RYR2: variants seen among roughly 807,000 people sequenced by gnomAD.
The protein encoded by RYR2 is cardiac muscle ryanodine receptor-calcium release channel.
In RYR2, 227 loss-of-function variants were observed where a neutral mutation model predicts 601.1. The observed-to-expected ratio is 0.38, with a 90% CI of 0.34 to 0.42. RYR2 has a LOEUF of 0.42. RYR2 is among the 10% of genes least tolerant of loss of function. The probability of loss-of-function intolerance (pLI) is 1.00; values close to 1 mark genes in which losing one functional copy is unlikely to be tolerated. For synonymous variants in RYR2, 2,223 were observed against 2,175.1 expected (o/e 1.02, Z -0.61); for missense variants, 4,646 against 6,156.5 (o/e 0.75, Z 8.21).
chr1:237,295,969 A>G (rs925879779), intron 2 of RYR2, among the ~76,000 whole-genome samples: 2 of 152,230 alleles, frequency 1.3e-5, no homozygotes, highest in East Asian at 1.9e-4. Flanking sequence ...TTAGTGATGC[A>G]TGTCATGGAG....
chr1:237,508,881 T>A (rs373560778), intron 23 of RYR2, among the ~76,000 whole-genome samples: 9 of 150,532 alleles, frequency 6.0e-5, no homozygotes, highest in East Asian at 2.0e-4. Context: ...TAGCTGGGAC[T>A]ACAGGCGCCC....
intron 5 of RYR2, among the ~76,000 whole-genome samples, chr1:237,369,193 T>C (rs1700444890): frequency 6.6e-6 from 1 of 152,144 alleles, no homozygotes; most frequent in African/African-American, 2.4e-5. Context: ...CAATGGTGAC[T>C]AAGGTACCAT....
chr1:237,632,732 T>C (rs1680486255), intron 42 of RYR2, among the ~76,000 whole-genome samples: 2 of 150,724 alleles, frequency 1.3e-5, no homozygotes, highest in African/African-American at 2.5e-5. Context: ...CTTAATGGTA[T>C]CAAAAACCAA....
At chr1:237,170,107 A>G (rs1267046832) in intron 1 of RYR2, among the ~76,000 whole-genome samples, 1 of 152,210 alleles carries the variant, frequency 6.6e-6, no homozygotes, top group African/African-American at 2.4e-5. Context: ...TGCAGGCAGC[A>G]TTTTGTTGTA....
intron 1 of RYR2, among the ~76,000 whole-genome samples, chr1:237,098,999 A>G (rs1174820107): frequency 1.3e-5 from 2 of 152,208 alleles, no homozygotes; most frequent in African/African-American, 4.8e-5. Flanking sequence ...AGGAGGGCTC[A>G]GACAACCACT....
At chr1:237,720,612 G>T (rs1173730371) in intron 73 of RYR2, among the ~76,000 whole-genome samples, 4 of 152,220 alleles carry the variant, frequency 2.6e-5, no homozygotes, top group African/African-American at 9.6e-5. Flanking sequence ...TATAGGGAGA[G>T]ACACTAAATG....
At chr1:237,259,332 ACT>A (rs1196027355) in intron 1 of RYR2, among the ~76,000 whole-genome samples, 1 of 151,536 alleles carries the variant, frequency 6.6e-6, no homozygotes, top group South Asian at 2.1e-4. Flanking sequence ...ACATGATGAA[ACT>A]CTCTCTCTAC....
Position 237,454,565 on chromosome 1 carries a change from C to T in RYR2, c.1467C>T (p.Phe489=), listed in dbSNP as rs781662848. Residue 489 remains phenylalanine (F), a synonymous_variant, in exon 15 of 105, where the codon TTC becomes TTT. Coordinates refer to ENST00000366574, the MANE Select transcript of RYR2 (RefSeq NM_001035.3). ...CCCTGAAGAATCGGCAAAATCTCTT[C>T]CAGGAAGAGGTCCGTTTCTATCAAC... ...LRALKNRQNL[F]QEEGMINLVL... is the part of the protein sequence containing the mutation. 1.2e-6 allele frequency: 2 copies of T among 1,612,866 alleles called. No individual in the cohort carries two copies. Among genetic ancestry groups the T allele is most frequent in the South Asian group, 2.2e-5 (2 of 91,014 alleles).
chr1:237,665,554 A>G (rs1684250231), intron 56 of RYR2, among the ~76,000 whole-genome samples: 1 of 152,166 alleles, frequency 6.6e-6, no homozygotes, highest in Non-Finnish European at 1.5e-5. Context: ...ATAAAACGGG[A>G]TGCTCAAAAA....
At chr1:237,353,282 G>A (rs537019626) in intron 3 of RYR2, among the ~76,000 whole-genome samples, 1 of 152,104 alleles carries the variant, frequency 6.6e-6, no homozygotes, top group African/African-American at 2.4e-5. Flanking sequence ...CACGAGATGG[G>A]TGGATCACTT....
chr1:237,363,333 G>A (rs1699937305), intron 4 of RYR2, among the ~76,000 whole-genome samples: 2 of 151,930 alleles, frequency 1.3e-5, no homozygotes, highest in Admixed American at 1.3e-4. Context: ...TCTAAGCCAA[G>A]GATGAAAGCT....
chr1:237,630,325 C>G (rs1290568969), intron 41 of RYR2, among the ~76,000 whole-genome samples: 1 of 151,978 alleles, frequency 6.6e-6, no homozygotes, highest in African/African-American at 2.4e-5. Flanking sequence ...ATTAATGAGA[C>G]AATAAAAAGA....
Position 237,589,906 on chromosome 1 carries a change from C to T in RYR2, c.3712C>T (p.Pro1238Ser), listed in dbSNP as rs1572995959. Reference protein sequence around the residue: ...TICGLQEGYEPFAVNTNRDIT... With the variant: ...TICGLQEGYESFAVNTNRDIT... ...CTGTGGCTTACAAGAGGGCTATGAA[C>T]CATTTGCCGTTAATACAAACAGGGA... Residue 1238 changes from proline (P) to serine (S), a missense_variant, in exon 30 of 105, where the codon CCA becomes TCA. Pro to Ser is a moderately conservative substitution (Grantham distance 74). Around this residue, in one of 17 missense-constraint regions of RYR2, gnomAD observed 1,807 missense variants for 2,088.1 expected, o/e 0.87. Transcript: ENST00000366574. 6.2e-7 allele frequency: 1 copy of T among 1,613,870 alleles called. No homozygotes were observed. Among genetic ancestry groups the T allele is most frequent in the Non-Finnish European group, 8.5e-7 (1 of 1,179,844 alleles).
At chr1:237,174,128 T>C (rs1420740668) in intron 1 of RYR2, among the ~76,000 whole-genome samples, 1 of 152,210 alleles carries the variant, frequency 6.6e-6, no homozygotes. Flanking sequence ...CTTAGTTATG[T>C]TGGAGTATTC....
chr1:237,422,676 C>A (rs1705714666), intron 11 of RYR2, among the ~76,000 whole-genome samples: 2 of 152,094 alleles, frequency 1.3e-5, no homozygotes. Flanking sequence ...CAAGTCTGTG[C>A]AAATACAGCA....
chr1:237,681,806 A>G (rs959165432), intron 62 of RYR2, among the ~76,000 whole-genome samples: 1 of 152,150 alleles, frequency 6.6e-6, no homozygotes, highest in African/African-American at 2.4e-5. Flanking sequence ...ACTCTGGGCC[A>G]GTATCCCCCT....
chr1:237,797,333 A>G (rs1190068338), intron 96 of RYR2, among the ~76,000 whole-genome samples: 2 of 152,122 alleles, frequency 1.3e-5, no homozygotes, highest in East Asian at 3.9e-4. Context: ...ACTAGATGCT[A>G]ATTAAAATGA....
chr1:237,368,023 G>A (rs1183995389), intron 5 of RYR2, among the ~76,000 whole-genome samples: 1 of 152,110 alleles, frequency 6.6e-6, no homozygotes, highest in African/African-American at 2.4e-5. Context: ...ATGTACATGT[G>A]TATACCTAGG....
rs59331340 is a variant in RYR2 at position 237,651,484 on chromosome 1, G to C, written c.7807G>C (p.Ala2603Pro). The C allele has an allele frequency of 6.4e-7, 1 of 1,565,636 alleles. No individual in the cohort carries two copies. The highest frequency in any genetic ancestry group is 8.7e-7 in the Non-Finnish European group (1 of 1,149,568). ...TGATGTTCCATTATTAAATGAACAC[G>C]CAAAGATGCCTCTTAAAGTAAGTAT... ...VFDVPLLNEH[A>P]KMPLKLLTNH... The change falls in exon 51 of 105, where the codon GCA becomes CCA. Residue 2603 changes from alanine to proline, a missense_variant. Physicochemically the swap from Ala to Pro is conservative, Grantham distance 27. Around this residue, in one of 17 missense-constraint regions of RYR2, gnomAD observed 1,497 missense variants for 1,842.6 expected, o/e 0.81. Coordinates refer to ENST00000366574, the MANE Select transcript of RYR2 (RefSeq NM_001035.3).
Sources: allele counts gnomAD v4.1 joint callset (sites outside exome capture counted in the v4.1 genomes callset), GRCh38; gene constraint gnomAD v4.1.1; regional missense constraint gnomAD v4.1.1; transcripts MANE v1.5; gene names NCBI Gene and HGNC (gene_info 2026-07-23, HGNC 2026-07-21).